EPHA4: variants seen among roughly 807,000 people sequenced by gnomAD.
EPHA4 encodes the protein EPH receptor A4, also known as ephrin type-A receptor 4.
EPHA4 carries 19 observed loss-of-function variants against 108.3 expected under a neutral mutation model. The ratio of observed to expected loss-of-function variants is 0.18; its 90% confidence interval spans 0.12 to 0.26. The LOEUF (loss-of-function observed/expected upper bound fraction) is 0.26. Ranked by LOEUF, EPHA4 falls within the 10% of genes least tolerant of loss-of-function variation. EPHA4 has a pLI of 1.00. For missense variants in EPHA4, 917 were observed against 1,254.0 expected (o/e 0.73, Z 4.06); for synonymous variants, 449 against 455.5 (o/e 0.99, Z 0.18).
rs749546730 is a variant in EPHA4 at position 221,455,600 on chromosome 2, C to T, written c.1662G>A (p.Ser554=). The change falls in exon 8 of 18, where the codon TCG becomes TCA. Residue 554 remains serine, a synonymous_variant. Coordinates refer to ENST00000281821, the MANE Select transcript of EPHA4 (RefSeq NM_004438.5). ...GAATTACCACCAGCACCACACTGCC[C>T]GAGACAGAGACCAGAAGGACTGTGG... ...ANSTVLLVSV[S]GSVVLVVILI... 27 of 1,613,778 alleles carry T rather than the reference C, an allele frequency of 1.7e-5. 1 individual carries two copies. Among genetic ancestry groups the T allele is most frequent in the South Asian group, 9.9e-5 (9 of 91,068 alleles).
intron 3 of EPHA4, among the ~76,000 whole-genome samples, chr2:221,515,191 G>T (rs966052025): frequency 7.9e-5 from 12 of 152,118 alleles, no homozygotes; most frequent in African/African-American, 2.9e-4. Flanking sequence ...TGCCTCCTGG[G>T]TTCAAGCGAT....
At chr2:221,439,862 C>T (rs1171442790) in intron 11 of EPHA4, among the ~76,000 whole-genome samples, 1 of 152,128 alleles carries the variant, frequency 6.6e-6, no homozygotes, top group East Asian at 1.9e-4. Context: ...ATTTATGGTC[C>T]TCCTGCCAAT....
rs537020014 is a variant in EPHA4, at chr2:221,508,099, C to T, written c.824-6927G>A. On this transcript the variant is annotated intron_variant, in intron 3 of 17. Transcript: ENST00000281821. Reference sequence around the variant, plus strand: ...CTGGTCCAGGGACATGTTTTGAGAACCACTGCTTAACTGTAAATAGACCCG... The same window carrying T: ...CTGGTCCAGGGACATGTTTTGAGAATCACTGCTTAACTGTAAATAGACCCG... 1.2e-3 allele frequency among the ~76,000 whole-genome samples: 182 copies of T among 152,264 alleles called. 1 individual carries two copies. Among genetic ancestry groups the T allele is most frequent in the Non-Finnish European group, 1.7e-3 (117 of 68,016 alleles).
intron 17 of EPHA4, among the ~76,000 whole-genome samples, chr2:221,424,762 G>T (rs1002639036): frequency 6.6e-6 from 1 of 152,162 alleles, no homozygotes; most frequent in Non-Finnish European, 1.5e-5. Flanking sequence ...GAAAAGTCTC[G>T]CCAGTACTTC....
chr2:221,497,531 G>A (rs145126852), intron 4 of EPHA4, among the ~76,000 whole-genome samples: 5 of 152,256 alleles, frequency 3.3e-5, no homozygotes, highest in Admixed American at 6.5e-5. Context: ...ATGAGGTGAC[G>A]AGTTCAAGAC....
At chr2:221,543,372 G>T (rs1017638967) in intron 3 of EPHA4, among the ~76,000 whole-genome samples, 1 of 152,120 alleles carries the variant, frequency 6.6e-6, no homozygotes, top group African/African-American at 2.4e-5. Flanking sequence ...TCATTTTGTG[G>T]TGTATATGTG....
chr2:221,546,093 C>T (rs1693988365), intron 3 of EPHA4, among the ~76,000 whole-genome samples: 1 of 152,128 alleles, frequency 6.6e-6, no homozygotes, highest in African/African-American at 2.4e-5. Context: ...TGAACTCTTG[C>T]AAAGCAACAG....
intron 3 of EPHA4, among the ~76,000 whole-genome samples, chr2:221,521,115 T>C (rs1049002507): frequency 6.6e-5 from 10 of 152,222 alleles, no homozygotes; most frequent in African/African-American, 2.4e-4. Context: ...CCATATAGTG[T>C]TAACCCAAGG....
chr2:221,568,193 C>G (rs1476366746), intron 2 of EPHA4, among the ~76,000 whole-genome samples: 2 of 152,212 alleles, frequency 1.3e-5, no homozygotes, highest in Non-Finnish European at 2.9e-5. Flanking sequence ...TTTTTGGACA[C>G]AAGTTCACAT....
In EPHA4 at chr2:221,436,579, C is replaced by T. The variant is rs778991917; in HGVS notation, c.2166G>A (p.Gln722=). The part of the protein sequence containing the change: ...RKNDGRFTVI[Q]LVGMLRGIGS... ...CAATGCCACGAAGCATGCCCACCAG[C>T]TGAATGACTGTAAATCTGCCATCAT... The change falls in exon 13 of 18, where the codon CAG becomes CAA. Residue 722 remains glutamine (Q), a synonymous_variant. Coordinates refer to ENST00000281821, the MANE Select transcript of EPHA4 (RefSeq NM_004438.5). 1.9e-6 allele frequency: 3 copies of T among 1,614,032 alleles called. No homozygotes were observed. The highest frequency in any genetic ancestry group is 2.5e-6 in the Non-Finnish European group (3 of 1,180,036).
At chr2:221,539,057 G>T (rs1259564454) in intron 3 of EPHA4, among the ~76,000 whole-genome samples, 1 of 152,054 alleles carries the variant, frequency 6.6e-6, no homozygotes, top group Non-Finnish European at 1.5e-5. Context: ...GGAAAGTGGG[G>T]TCTAGAGCCC....
chr2:221,424,248 C>G (rs1264816457), intron 17 of EPHA4, among the ~76,000 whole-genome samples: 2 of 151,490 alleles, frequency 1.3e-5, no homozygotes, highest in East Asian at 3.9e-4. Context: ...GGTGATAAAA[C>G]AAAAATTGTT....
chr2:221,544,487 T>C (rs766167275), intron 3 of EPHA4, among the ~76,000 whole-genome samples: 8 of 152,030 alleles, frequency 5.3e-5, no homozygotes, highest in Non-Finnish European at 1.2e-4. Context: ...CACCAGGCCC[T>C]ACTAATTTTT....
At chr2:221,550,418 G>GGA (rs71406572) in intron 3 of EPHA4, among the ~76,000 whole-genome samples, 2,244 of 135,604 alleles carry the variant, frequency 0.017, 24 homozygotes, top group South Asian at 0.05. Context: ...TGAGGAAAGG[G>GGA]GAGAGAGAGA....
At chr2:221,456,505 C>T (rs6718949) in intron 7 of EPHA4, 108 bp downstream of exon 7, 845,370 of 1,150,444 alleles carry the variant, frequency 0.73, 311,605 homozygotes, top group East Asian at 0.78. Context: ...AGCAAAATGT[C>T]TGCTGAACCA....
intron 5 of EPHA4, among the ~76,000 whole-genome samples, chr2:221,464,661 T>C (rs1313237045): frequency 1.3e-5 from 2 of 152,208 alleles, no homozygotes; most frequent in African/African-American, 4.8e-5. Flanking sequence ...TTGTTTGCGG[T>C]ACATTCGACC....
At chr2:221,475,532 C>G (rs973711505) in intron 5 of EPHA4, among the ~76,000 whole-genome samples, 3 of 152,196 alleles carry the variant, frequency 2.0e-5, no homozygotes, top group Non-Finnish European at 4.4e-5. Context: ...TTACTGGTCT[C>G]CTTTCTTGAT....
intron 5 of EPHA4, among the ~76,000 whole-genome samples, chr2:221,462,821 A>G (rs1691190128): frequency 6.6e-6 from 1 of 152,234 alleles, no homozygotes. Flanking sequence ...ACTAGGCATC[A>G]CTGCACCTGT....
chr2:221,476,001 C>T (rs1574594945), intron 5 of EPHA4, among the ~76,000 whole-genome samples: 1 of 152,100 alleles, frequency 6.6e-6, no homozygotes, highest in Non-Finnish European at 1.5e-5. Context: ...GATGGATGCA[C>T]TTGAGGCCAG....
Sources: gnomAD v4.1 joint callset for allele counts (sites outside exome capture counted in the v4.1 genomes callset) on GRCh38, gnomAD v4.1.1 for gene constraint, MANE v1.5 for transcripts, NCBI Gene and HGNC (gene_info 2026-07-23, HGNC 2026-07-21) for gene names.